The following FGD3 variants were observed in gnomAD, a reference collection of about 807,000 sequenced individuals.
FGD3 encodes the protein FYVE, RhoGEF and PH domain-containing protein 3.
Under a neutral mutation model 71.8 loss-of-function variants are expected in FGD3, and 45 were observed. The ratio of observed to expected loss-of-function variants is 0.63; its 90% CI spans 0.49 to 0.80. The LOEUF (loss-of-function observed/expected upper bound fraction) is 0.80, where lower values mean the gene tolerates loss of function less well. Among genes scored for constraint, FGD3 ranks in the 30% least tolerant of loss-of-function variants. The probability of loss-of-function intolerance (pLI) is 0.00; values close to 1 mark genes in which losing one functional copy is unlikely to be tolerated. For missense variants in FGD3, 844 were observed against 951.5 expected, an observed-to-expected ratio of 0.89 and a Z score of 1.49; for synonymous variants, 378 against 392.8, an observed-to-expected ratio of 0.96 and a Z score of 0.44.
intron 6 of FGD3, among the ~76,000 whole-genome samples, chr9:93,008,367 C>A (rs912074326): frequency 2.6e-5 from 4 of 152,180 alleles, no homozygotes; most frequent in African/African-American, 7.2e-5. Flanking sequence ...TTTTCTGATC[C>A]ATAACCCAAC....
At position 93,028,427 on chromosome 9, in the gene FGD3, C is replaced by A. The variant is rs530338624; in HGVS notation, c.1558-1447C>A. Among the ~76,000 whole-genome samples, 10 of 151,942 alleles carry A rather than the reference C, an allele frequency of 6.6e-5. No individual in the cohort carries two copies. In the South Asian group the frequency reaches 1.0e-3, roughly 16 times the overall value. ...AGATAAACATTTCTAGTGGCAGTTCCAGCTCTGACATCCTGGGGAACTCGA... is the reference window on the plus strand; with the variant it reads ...AGATAAACATTTCTAGTGGCAGTTCAAGCTCTGACATCCTGGGGAACTCGA... On this transcript the variant is annotated intron_variant, in intron 14 of 17. Coordinates refer to ENST00000375482, the MANE Select transcript of FGD3 (RefSeq NM_001083536.2).
chr9:93,022,134 C>T (rs565936620), intron 13 of FGD3, among the ~76,000 whole-genome samples, 193 bp from the exon 14 acceptor site: 160 of 152,320 alleles, frequency 1.1e-3, no homozygotes, highest in African/African-American at 3.6e-3. Flanking sequence ...TAGGAGAGGC[C>T]TCCAGCTCAG....
In FGD3 at chr9:93,004,119, C is replaced by G. The variant is rs895419179; in HGVS notation, c.662C>G (p.Thr221Arg). 1 of 1,614,038 alleles carries G rather than the reference C, an allele frequency of 6.2e-7. No homozygotes were observed. Among genetic ancestry groups the G allele is most frequent in the South Asian group, 1.1e-5 (1 of 91,088 alleles). Residue 221 changes from threonine (T) to arginine (R), a missense_variant, in exon 5 of 18, where the codon ACG becomes AGG. Coordinates refer to ENST00000375482, the MANE Select transcript of FGD3 (RefSeq NM_001083536.2). ...CAGTTCCTGCTGCCGGAGCTGAAGA[C>G]GCGGATCACGGAGGAGTGGTGAGTA... ...HGQFLLPELKTRITEEWDTNP... is the reference protein window; with the variant it reads ...HGQFLLPELKRRITEEWDTNP...
chr9:92,972,574 T>C (rs1859577930), intron 1 of FGD3, among the ~76,000 whole-genome samples: 1 of 149,976 alleles, frequency 6.7e-6, no homozygotes, highest in Non-Finnish European at 1.5e-5. Flanking sequence ...AAGTTCTCCA[T>C]GTGGGAAAAG....
chr9:93,022,225 C>G, intron 13 of FGD3, 102 bp from the exon 14 acceptor site: 5 of 1,167,750 alleles, frequency 4.3e-6, no homozygotes, highest in Non-Finnish European at 6.0e-6. Context: ...AGCCTGCCCT[C>G]AATGCACAGA....
intron 1 of FGD3, among the ~76,000 whole-genome samples, chr9:92,957,408 G>A (rs1859077042): frequency 6.6e-6 from 1 of 152,214 alleles, no homozygotes; most frequent in Non-Finnish European, 1.5e-5. Context: ...CGGTTCAGAT[G>A]GGGCTGTAAT....
intron 1 of FGD3, among the ~76,000 whole-genome samples, chr9:92,954,015 C>T (rs1046085433): frequency 2.0e-5 from 3 of 152,196 alleles, no homozygotes; most frequent in African/African-American, 7.2e-5. Flanking sequence ...AACAGGTTGG[C>T]TTTCCTCCCA....
At position 93,035,711 on chromosome 9, in the gene FGD3, AG is replaced by A; in HGVS notation, c.*124del. The A allele has an allele frequency of 7.2e-7, 1 of 1,382,552 alleles. No individual in the cohort carries two copies. The highest frequency in any genetic ancestry group is 9.5e-7 in the Non-Finnish European group (1 of 1,049,766). The allele number at this position is 1,382,552 out of a possible 1,614,324, so 85.6% of individuals were successfully genotyped here. A position where few individuals can be genotyped will look rare whatever the true frequency, so the allele number is the denominator to read the frequency against. ...AGGGTGGGCCAACAGCCCAGAGCTC[AG>A]GACACTTGGCTTTGGGGGGAAGGAA... On this transcript the variant is annotated 3_prime_UTR_variant, in exon 18 of 18. Coordinates refer to ENST00000375482, the MANE Select transcript of FGD3 (RefSeq NM_001083536.2).
At chr9:93,035,210 C>T (rs961620814) in intron 17 of FGD3, 128 bp from the exon 18 acceptor site, 7 of 1,364,116 alleles carry the variant, frequency 5.1e-6, no homozygotes, top group Non-Finnish European at 6.8e-6. Context: ...CACCAGACCC[C>T]TCGGGCTCAG....
chr9:92,973,422 G>C (rs1859610712), intron 1 of FGD3, among the ~76,000 whole-genome samples: 1 of 152,086 alleles, frequency 6.6e-6, no homozygotes. Flanking sequence ...GCCTCTGCCT[G>C]GTGATTTTTG....
At chr9:93,031,936 G>T (rs74877266) in intron 15 of FGD3, among the ~76,000 whole-genome samples, 1 of 152,250 alleles carries the variant, frequency 6.6e-6, no homozygotes, top group African/African-American at 2.4e-5. Flanking sequence ...AGCTGCAGGG[G>T]CCAGAGGAGG....
intron 15 of FGD3, among the ~76,000 whole-genome samples, chr9:93,031,248 C>G (rs1252408061): frequency 6.6e-6 from 1 of 152,214 alleles, no homozygotes; most frequent in Non-Finnish European, 1.5e-5. Flanking sequence ...AACCTGGTTT[C>G]CCCATCAGAC....
chr9:93,004,268 C>A lies in FGD3; in HGVS notation c.680+131C>A, dbSNP rs909093987. On this transcript the variant is annotated intron_variant, in intron 5 of 17. Transcript: ENST00000375482. ...TGGGCGCCTCCCTTCTCTGCACGGT[C>A]CTGGGTCCGATCCAGACTCCACCCC... is the stretch of plus-strand genomic sequence containing the variant. 5.8e-6 allele frequency: 7 copies of A among 1,198,048 alleles called. No individual in the cohort carries two copies. The Admixed American group carries it at 1.3e-4, about 22-fold the overall frequency. 74.2% of individuals were successfully genotyped at this position (1,198,048 alleles called of 1,614,324 possible). A position where few individuals can be genotyped will look rare whatever the true frequency, so the allele number is the denominator to read the frequency against.
intron 17 of FGD3, 54 bp downstream of exon 17, chr9:93,034,735 C>G: frequency 6.4e-7 from 1 of 1,570,372 alleles, no homozygotes; most frequent in Non-Finnish European, 8.6e-7. Context: ...AGCCTCAGGC[C>G]TGAGGCACCC....
intron 3 of FGD3, among the ~76,000 whole-genome samples, chr9:92,987,015 CAA>C (rs1286016596): frequency 6.6e-6 from 1 of 152,192 alleles, no homozygotes; most frequent in African/African-American, 2.4e-5. Context: ...AAAGTGAAAA[CAA>C]AGAGGCAGAC....
At chr9:93,002,785 C>T (rs758159713) in intron 3 of FGD3, 140 bp from the exon 4 acceptor site, 2 of 738,600 alleles carry the variant, frequency 2.7e-6, no homozygotes. Context: ...CACAGTGGCC[C>T]CTCCTGCCCC....
At chr9:93,007,475 C>T (rs144917767) in intron 6 of FGD3, among the ~76,000 whole-genome samples, 39 of 152,254 alleles carry the variant, frequency 2.6e-4, no homozygotes, top group African/African-American at 8.4e-4. Flanking sequence ...CTACCCAAGA[C>T]TATATAACCC....
chr9:93,034,353 A>T, intron 16 of FGD3, 188 bp from the exon 17 acceptor site: 1 of 642,596 alleles, frequency 1.6e-6, no homozygotes, highest in Non-Finnish European at 2.5e-6. Context: ...ACACATGCCT[A>T]TGTCCTGCAG....
intron 3 of FGD3, among the ~76,000 whole-genome samples, chr9:92,988,942 G>T (rs1860294308): frequency 6.6e-6 from 1 of 152,148 alleles, no homozygotes; most frequent in Non-Finnish European, 1.5e-5. Flanking sequence ...ACATTAGTCT[G>T]CCTTGTTCTT....
Sources: gnomAD v4.1 joint callset for allele counts (sites outside exome capture counted in the v4.1 genomes callset) on GRCh38, gnomAD v4.1.1 for gene constraint, MANE v1.5 for transcripts, NCBI Gene and HGNC (gene_info 2026-07-23, HGNC 2026-07-21) for gene names.